The following TBC1D2 variants were observed in gnomAD, a reference collection of about 807,000 sequenced individuals.
TBC1D2 encodes the protein TBC1 domain family member 2A.
TBC1D2 carries 58 observed loss-of-function variants against 91.1 expected under a neutral mutation model. The ratio of observed to expected loss-of-function variants is 0.64; its 90% CI spans 0.52 to 0.79. TBC1D2 has a LOEUF of 0.79. Among genes scored for constraint, TBC1D2 ranks in the 30% least tolerant of loss-of-function variants. The probability of loss-of-function intolerance (pLI) is 0.00; values close to 1 mark genes in which losing one functional copy is unlikely to be tolerated. For missense variants in TBC1D2, 1,080 were observed against 1,208.3 expected, an observed-to-expected ratio of 0.89 and a Z score of 1.57; for synonymous variants, 482 against 511.5, an observed-to-expected ratio of 0.94 and a Z score of 0.78.
chr9:98,213,483 G>GAA, intron 6 of TBC1D2: 1 of 1,166,640 alleles, frequency 8.6e-7, no homozygotes, highest in Non-Finnish European at 1.1e-6. Context: ...GCAGGCCACT[G>GAA]AACCACTCTG....
chr9:98,233,707 T>C (rs900027411), intron 3 of TBC1D2, among the ~76,000 whole-genome samples, 158 bp from the exon 4 acceptor site: 1 of 152,196 alleles, frequency 6.6e-6, no homozygotes, highest in Non-Finnish European at 1.5e-5. Flanking sequence ...TGCCTCCCCA[T>C]GCATGGCACT....
rs1379998154 is a variant in TBC1D2 at position 98,255,393 on chromosome 9, C to G, written c.149G>C (p.Gly50Ala). 2 of 1,613,986 alleles carry G rather than the reference C, an allele frequency of 1.2e-6. No individual in the cohort carries two copies. Among genetic ancestry groups the G allele is most frequent in the Non-Finnish European group, 1.7e-6 (2 of 1,179,938 alleles). ...TTTGCCGCCGAACTTACTTAAATAC[C>G]CACAGAGTTTCTTGGGGACCGCCTC... Reference protein sequence around the residue: ...SLEAVPKKLCGYLSKFGGKGP... With the variant: ...SLEAVPKKLCAYLSKFGGKGP... Residue 50 changes from glycine (G) to alanine (A), a missense_variant, in exon 1 of 13, where the codon GGG (glycine) becomes GCG (alanine). Transcript: ENST00000465784.
At chr9:98,218,747 G>A (rs1209955215) in intron 6 of TBC1D2, among the ~76,000 whole-genome samples, 1 of 152,074 alleles carries the variant, frequency 6.6e-6, no homozygotes, top group Admixed American at 6.5e-5. Flanking sequence ...TTGGAGTGCA[G>A]TGGCACAATC....
intron 8 of TBC1D2, among the ~76,000 whole-genome samples, chr9:98,209,756 T>TTCCTTCTTTCCTTTCCTTCCTTCCTTCC (rs369507489): frequency 2.8e-5 from 3 of 105,478 alleles, no homozygotes; most frequent in Non-Finnish European, 5.7e-5. Flanking sequence ...CCTTCCTTCC[T>TTCCTTCTTTCCTTTCCTTCCTTCCTTCC]TTCCTTCCTT....
At position 98,200,387 on chromosome 9, in the gene TBC1D2, TG is replaced by T; in HGVS notation, c.2458-14del. The stretch of plus-strand genomic sequence containing the variant: ...AGCGAAACACCACCTGGGGGTAGAG[TG>T]GGGGCTCAGGTAGGGCATGGGGGGG... On this transcript the variant is annotated splice_polypyrimidine_tract_variant and intron_variant, in intron 11 of 12. Coordinates refer to ENST00000465784, the MANE Select transcript of TBC1D2 (RefSeq NM_001267571.2). 1 of 1,229,874 alleles carries T rather than the reference TG, an allele frequency of 8.1e-7. No individual in the cohort carries two copies. Among genetic ancestry groups the T allele is most frequent in the East Asian group, 4.3e-5 (1 of 22,992 alleles). 76.2% of individuals were successfully genotyped at this position (1,229,874 alleles called of 1,614,324 possible). A position where few individuals can be genotyped will look rare whatever the true frequency, so the allele number is the denominator to read the frequency against.
At chr9:98,212,704 C>T (rs1186911402) in intron 7 of TBC1D2, among the ~76,000 whole-genome samples, 2 of 152,070 alleles carry the variant, frequency 1.3e-5, no homozygotes, top group Non-Finnish European at 2.9e-5. Flanking sequence ...TGGGGTTTCA[C>T]CGTGTTGGCC....
chr9:98,240,895 A>C (rs1352830365), intron 3 of TBC1D2, among the ~76,000 whole-genome samples: 1 of 152,072 alleles, frequency 6.6e-6, no homozygotes, highest in African/African-American at 2.4e-5. Flanking sequence ...CAGTTCATGG[A>C]CCATTTTCTG....
At position 98,221,111 on chromosome 9, in the gene TBC1D2, CTT is replaced by C; in HGVS notation, c.1094_1095del (p.Lys365SerfsTer58). ...DKDRLELVRHKVRQIAELGRR... is the reference protein window; with the variant it reads ...DKDRLELVRHXVRQIAELGRR... Reference sequence around the variant, plus strand: ...CGGCCCAGCTCCGCGATCTGCCGCACTTTGTGCCGCACCAGCTCCAGCCGGTC... The same window carrying C: ...CGGCCCAGCTCCGCGATCTGCCGCACTGTGCCGCACCAGCTCCAGCCGGTC... On this transcript the variant is annotated frameshift_variant, in exon 6 of 13. Coordinates refer to ENST00000465784, the MANE Select transcript of TBC1D2 (RefSeq NM_001267571.2). LOFTEE classifies it high-confidence loss of function. 1 of 1,600,994 alleles carries C rather than the reference CTT, an allele frequency of 6.2e-7. No homozygotes were observed. Among genetic ancestry groups the C allele is most frequent in the Non-Finnish European group, 8.5e-7 (1 of 1,174,460 alleles).
Position 98,228,888 on chromosome 9 carries a change from C to T in TBC1D2, c.978+64G>A, listed in dbSNP as rs551750726. On this transcript the variant is annotated intron_variant, in intron 5 of 12. Coordinates refer to ENST00000465784, the MANE Select transcript of TBC1D2 (RefSeq NM_001267571.2). This position sits in a 1 kb window ranked among gnomAD's most constrained non-coding sequence, Gnocchi z 4.0. The stretch of plus-strand genomic sequence containing the variant: ...GCTAATGCGTCCCATCTAGCTTATC[C>T]GAAAGGCTCCAGGAACTGGAGGGGT... The T allele has an allele frequency of 8.9e-5, 137 of 1,534,728 alleles. 1 individual carries two copies. The South Asian group carries it at 1.3e-3, about 14-fold the overall frequency.
intron 9 of TBC1D2, among the ~76,000 whole-genome samples, chr9:98,205,807 C>T (rs576171113): frequency 1.5e-4 from 23 of 152,130 alleles, no homozygotes; most frequent in Non-Finnish European, 2.9e-4. Context: ...AGGGATCCAC[C>T]CACCTCGGCC....
At chr9:98,234,855 G>T in intron 3 of TBC1D2, 1 of 208,416 alleles carries the variant, frequency 4.8e-6, no homozygotes, top group East Asian at 1.3e-4. Flanking sequence ...GTGAAAACAT[G>T]ATACCCACAG....
chr9:98,255,356 C>G lies in TBC1D2; in HGVS notation c.186G>C (p.Arg62=). The change falls in exon 1 of 13, where the codon CGG becomes CGC. Residue 62 remains arginine (R), a synonymous_variant. Transcript: ENST00000465784. ...AGAAGAACCAGCGGGATTTCCAGCC[C>G]CGGATGGGCCCTTTGCCGCCGAACT... ...LSKFGGKGPI[R]GWKSRWFFYD... is the part of the protein sequence containing the mutation. The G allele has an allele frequency of 6.2e-7, 1 of 1,614,264 alleles. No homozygotes were observed. Among genetic ancestry groups the G allele is most frequent in the Non-Finnish European group, 8.5e-7 (1 of 1,180,052 alleles).
At chr9:98,217,958 C>T (rs1373204162) in intron 6 of TBC1D2, among the ~76,000 whole-genome samples, 1 of 152,098 alleles carries the variant, frequency 6.6e-6, no homozygotes, top group Non-Finnish European at 1.5e-5. Context: ...TTAAGCAATC[C>T]TCTAGCTTCA....
rs539937491 is a variant in TBC1D2, at chr9:98,243,436, C to T, written c.647+558G>A. 1.3e-4 allele frequency among the ~76,000 whole-genome samples: 20 copies of T among 152,218 alleles called. No individual in the cohort carries two copies. The South Asian group carries it at 2.9e-3, about 22-fold the overall frequency. On this transcript the variant is annotated intron_variant, in intron 3 of 12. Transcript: ENST00000465784. ...CCAGCCTCCCTAGTAGCTGGGACTA[C>T]AGGCTGTGAGCCACCTCGTCCAGTG...
chr9:98,221,370 C>A (rs1006394764), intron 5 of TBC1D2, 142 bp from the exon 6 acceptor site: 3 of 1,067,580 alleles, frequency 2.8e-6, no homozygotes, highest in Non-Finnish European at 3.9e-6. Flanking sequence ...CTGACACTCA[C>A]TTTCTCCTTC....
intron 5 of TBC1D2, among the ~76,000 whole-genome samples, chr9:98,223,003 G>T (rs560471505): frequency 7.9e-5 from 12 of 152,328 alleles, no homozygotes; most frequent in African/African-American, 2.9e-4. Context: ...ACCACTCGGT[G>T]CCAGGCCAGG....
intron 5 of TBC1D2, among the ~76,000 whole-genome samples, chr9:98,225,913 C>T (rs1024097600): frequency 1.3e-5 from 2 of 152,206 alleles, no homozygotes; most frequent in Admixed American, 6.5e-5. Flanking sequence ...AGGATAAGAC[C>T]CCAAATTCCC....
At chr9:98,255,140 G>C (rs771687042) in intron 1 of TBC1D2, 33 bp downstream of exon 1, 2 of 1,574,424 alleles carry the variant, frequency 1.3e-6, no homozygotes, top group Non-Finnish European at 1.7e-6. Flanking sequence ...ACCTCACGCC[G>C]CTGGAAAGGA....
rs903275275 is a variant in TBC1D2 at position 98,220,763 on chromosome 9, G to A, written c.1374+70C>T. The A allele has an allele frequency of 2.5e-6, 4 of 1,573,802 alleles. No individual in the cohort carries two copies. In the Admixed American group the frequency reaches 7.1e-5, roughly 28 times the overall value. The stretch of plus-strand genomic sequence containing the variant: ...CACCTAGCAAACCCTTAGGGGTGGA[G>A]AGCGCACCTTCCCTGAGGGCTGGGA... On this transcript the variant is annotated intron_variant, in intron 6 of 12. Coordinates refer to ENST00000465784, the MANE Select transcript of TBC1D2 (RefSeq NM_001267571.2).
Sources: gnomAD v4.1 joint callset for allele counts (sites outside exome capture counted in the v4.1 genomes callset) on GRCh38, gnomAD v4.1.1 for gene constraint, Gnocchi (gnomAD v3.1) non-coding constraint, MANE v1.5 for transcripts, NCBI Gene and HGNC (gene_info 2026-07-23, HGNC 2026-07-21) for gene names.